Variants in ZNF502 observed in about 807,000 individuals in gnomAD.
The protein encoded by ZNF502 is zinc finger protein 502.
ZNF502 carries 29 observed loss-of-function variants against 43.6 expected under a neutral mutation model. The ratio of observed to expected loss-of-function variants is 0.67; its 90% confidence interval spans 0.50 to 0.91. The LOEUF (loss-of-function observed/expected upper bound fraction) is 0.91. Among genes scored for constraint, ZNF502 ranks in the 40% least tolerant of loss-of-function variants. The pLI, the probability that ZNF502 is intolerant of heterozygous loss-of-function variation, is 0.00. For missense variants in ZNF502, 591 were observed against 647.2 expected (o/e 0.91, Z 0.94); for synonymous variants, 171 against 207.4 (o/e 0.82, Z 1.51).
chr3:44,717,081 CT>C (rs1282645976), intron 1 of ZNF502, among the ~76,000 whole-genome samples: 1 of 152,110 alleles, frequency 6.6e-6, no homozygotes, highest in Non-Finnish European at 1.5e-5. Context: ...TTGCATCATG[CT>C]TGAAAGTGCT....
chr3:44,722,061 C>T lies in ZNF502; in HGVS notation c.1244C>T (p.Ala415Val). Residue 415 changes from alanine to valine, a missense_variant, in exon 3 of 3, where the codon GCC becomes GTC. By Grantham distance (64) the Ala-to-Val change is moderately conservative. Transcript: ENST00000436624. ...TACAAATGCAGTGAATGTGGTAAAG[C>T]CTTCATTCAGAGCATTTGCCTTATT... Reference protein sequence around the residue: ...RPYKCSECGKAFIQSICLIRH... With the variant: ...RPYKCSECGKVFIQSICLIRH... 6.2e-7 allele frequency: 1 copy of T among 1,614,166 alleles called. No individual in the cohort carries two copies. The highest frequency in any genetic ancestry group is 8.5e-7 in the Non-Finnish European group (1 of 1,180,024).
In ZNF502 at chr3:44,721,765, T is replaced by G; in HGVS notation, c.948T>G (p.Ile316Met). The change falls in exon 3 of 3, where the codon ATT (isoleucine) becomes ATG (methionine). Residue 316 changes from isoleucine (I) to methionine (M), a missense_variant. Physicochemically the swap from Ile to Met is conservative, Grantham distance 10. Transcript: ENST00000436624. Reference sequence around the variant, plus strand: ...CAAATCTTACGCAACATCAGAGAATTCACACTGGGGAAAAACCCCATAAAT... The same window carrying G: ...CAAATCTTACGCAACATCAGAGAATGCACACTGGGGAAAAACCCCATAAAT... ...KHSNLTQHQR[I>M]HTGEKPHKCD... The G allele has an allele frequency of 6.2e-7, 1 of 1,613,652 alleles. No homozygotes were observed. Among genetic ancestry groups the G allele is most frequent in the Non-Finnish European group, 8.5e-7 (1 of 1,179,760 alleles).
rs545864492 is a variant in ZNF502 at position 44,716,188 on chromosome 3, C to CT, written c.-60+3464dup. On this transcript the variant is annotated intron_variant, in intron 1 of 2. Transcript: ENST00000436624. ...GAATTACTAGGTCAAAGAATATAGT[C>CT]TTTTTTTTTTTTTTTTGAGACGGAG... is the stretch of plus-strand genomic sequence containing the variant. 6.4e-3 allele frequency among the ~76,000 whole-genome samples: 889 copies of CT among 138,656 alleles called. 7 individuals are homozygous for CT. Among genetic ancestry groups the CT allele is most frequent in the African/African-American group, 0.016 (598 of 37,892 alleles). The allele number at this position is 138,656 out of a possible 152,430, so 91.0% of individuals were successfully genotyped here.
chr3:44,715,389 T>C (rs934822040), intron 1 of ZNF502, among the ~76,000 whole-genome samples: 1 of 152,228 alleles, frequency 6.6e-6, no homozygotes. Flanking sequence ...ATTGTAGTAA[T>C]AGTGTGATCT....
chr3:44,722,131 T>G lies in ZNF502; in HGVS notation c.1314T>G (p.Asn438Lys), dbSNP rs1288587448. 6.2e-7 allele frequency: 1 copy of G among 1,614,024 alleles called. No homozygotes were observed. Among genetic ancestry groups the G allele is most frequent in the Non-Finnish European group, 8.5e-7 (1 of 1,180,012 alleles). Residue 438 changes from asparagine to lysine, a missense_variant, in exon 3 of 3, where the codon AAT (asparagine) becomes AAG (lysine). Coordinates refer to ENST00000436624, the MANE Select transcript of ZNF502 (RefSeq NM_001134442.3). ...CTGGAGAAAAACCCTATAAATGCAATGAATGTGGAAAGGGCTTTAATCAGA... is the reference window on the plus strand; with the variant it reads ...CTGGAGAAAAACCCTATAAATGCAAGGAATGTGGAAAGGGCTTTAATCAGA... Reference protein sequence around the residue: ...SHTGEKPYKCNECGKGFNQNT... With the variant: ...SHTGEKPYKCKECGKGFNQNT...
intron 1 of ZNF502, among the ~76,000 whole-genome samples, chr3:44,719,471 G>A (rs978230077): frequency 2.0e-5 from 3 of 152,120 alleles, no homozygotes; most frequent in Non-Finnish European, 2.9e-5. Flanking sequence ...TCACTTCAAG[G>A]TTAAATGGAG....
chr3:44,722,282 A>C lies in ZNF502; in HGVS notation c.1465A>C (p.Lys489Gln). The change falls in exon 3 of 3, where the codon AAG becomes CAG. Residue 489 changes from lysine (K) to glutamine (Q), a missense_variant. Lys to Gln is a moderately conservative substitution (Grantham distance 53, BLOSUM62 1). Coordinates refer to ENST00000436624, the MANE Select transcript of ZNF502 (RefSeq NM_001134442.3). Reference sequence around the variant, plus strand: ...ACATCATAGAACTCACACTGGTGAGAAGCTCTATAAATGTAGTGAGTGTGA... The same window carrying C: ...ACATCATAGAACTCACACTGGTGAGCAGCTCTATAAATGTAGTGAGTGTGA... ...TEHHRTHTGE[K>Q]LYKCSECEKT... is the part of the protein sequence containing the mutation. 1 of 1,614,228 alleles carries C rather than the reference A, an allele frequency of 6.2e-7. No individual in the cohort carries two copies. Among genetic ancestry groups the C allele is most frequent in the Non-Finnish European group, 8.5e-7 (1 of 1,180,026 alleles).
Position 44,721,343 on chromosome 3 carries a change from A to G in ZNF502, c.526A>G (p.Thr176Ala). ...CTCATCCCTTACCCAACATCAGAGA[A>G]CTCATACTGGAGAGAGACCCTACAC... Reference protein sequence around the residue: ...QSSSLTQHQRTHTGERPYTCE... With the variant: ...QSSSLTQHQRAHTGERPYTCE... The change falls in exon 3 of 3, where the codon ACT becomes GCT. Residue 176 changes from threonine (T) to alanine (A), a missense_variant. Coordinates refer to ENST00000436624, the MANE Select transcript of ZNF502 (RefSeq NM_001134442.3). 3.1e-6 allele frequency: 5 copies of G among 1,614,144 alleles called. No homozygotes were observed. Among genetic ancestry groups the G allele is most frequent in the Non-Finnish European group, 4.2e-6 (5 of 1,179,992 alleles).
Position 44,712,693 on chromosome 3 carries a change from C to T in ZNF502, c.-107C>T, listed in dbSNP as rs139755879. On this transcript the variant is annotated 5_prime_UTR_variant, in exon 1 of 3. Coordinates refer to ENST00000436624, the MANE Select transcript of ZNF502 (RefSeq NM_001134442.3). The stretch of plus-strand genomic sequence containing the variant: ...AGGCTGGTGTCCTGGCCCCAGTCCA[C>T]CTCTGGGAGCGCCTGCGCCGCTCCG... The T allele has an allele frequency of 6.6e-6, 1 of 152,330 alleles. No homozygotes were observed. Among genetic ancestry groups the T allele is most frequent in the Non-Finnish European group, 1.5e-5 (1 of 68,112 alleles). 9.4% of individuals were successfully genotyped at this position (152,330 alleles called of 1,614,324 possible). A position where few individuals can be genotyped will look rare whatever the true frequency, so the allele number is the denominator to read the frequency against.
intron 1 of ZNF502, among the ~76,000 whole-genome samples, chr3:44,717,405 C>CTTTTTTT (rs34497930): frequency 3.9e-5 from 3 of 76,046 alleles, no homozygotes; most frequent in Non-Finnish European, 4.7e-5. Flanking sequence ...GTGATGCAAT[C>CTTTTTTT]TTTTTTTTTT....
At chr3:44,715,599 A>T (rs1026880219) in intron 1 of ZNF502, among the ~76,000 whole-genome samples, 7 of 151,834 alleles carry the variant, frequency 4.6e-5, no homozygotes, top group African/African-American at 1.2e-4. Context: ...TTTTTTTTTT[A>T]AAGTGGAGCA....
In ZNF502 at chr3:44,721,824, C is replaced by T; in HGVS notation, c.1007C>T (p.Ala336Val). The T allele has an allele frequency of 1.9e-6, 3 of 1,614,156 alleles. No individual in the cohort carries two copies. The highest frequency in any genetic ancestry group is 2.5e-6 in the Non-Finnish European group (3 of 1,180,028). The change falls in exon 3 of 3, where the codon GCA becomes GTA. Residue 336 changes from alanine (A) to valine (V), a missense_variant. By Grantham distance (64) the Ala-to-Val change is moderately conservative. Coordinates refer to ENST00000436624, the MANE Select transcript of ZNF502 (RefSeq NM_001134442.3). Reference sequence around the variant, plus strand: ...TGTGGGAAAACTTTCCAAACAAAGGCAAACCTCTCTCAGCATCAGAGAATT... The same window carrying T: ...TGTGGGAAAACTTTCCAAACAAAGGTAAACCTCTCTCAGCATCAGAGAATT... The part of the protein sequence containing the change: ...DECGKTFQTK[A>V]NLSQHQRIHS...
intron 1 of ZNF502, among the ~76,000 whole-genome samples, chr3:44,715,613 TA>T (rs1352650035): frequency 1.3e-5 from 2 of 152,234 alleles, no homozygotes; most frequent in East Asian, 3.9e-4. Context: ...TGGAGCAAAA[TA>T]TAGATAATAG....
intron 1 of ZNF502, among the ~76,000 whole-genome samples, chr3:44,715,887 CAT>C (rs1704130746): frequency 3.3e-5 from 5 of 152,058 alleles, no homozygotes; most frequent in Admixed American, 2.0e-4. Flanking sequence ...ATATATTTTA[CAT>C]TATATTACTA....
chr3:44,716,379 G>T (rs192655608), intron 1 of ZNF502, among the ~76,000 whole-genome samples: 3 of 151,692 alleles, frequency 2.0e-5, no homozygotes, highest in African/African-American at 7.3e-5. Flanking sequence ...TAGTAGAGAC[G>T]TGGTTTCACC....
intron 1 of ZNF502, among the ~76,000 whole-genome samples, chr3:44,716,224 G>A (rs1030775289): frequency 1.5e-5 from 2 of 137,546 alleles, no homozygotes; most frequent in Non-Finnish European, 3.1e-5. Flanking sequence ...TTTCGCTCTT[G>A]TCGCCCAAGC....
rs1425282679 is a variant in ZNF502, at chr3:44,721,430, C to A, written c.613C>A (p.His205Asn). 8 of 1,614,058 alleles carry A rather than the reference C, an allele frequency of 5.0e-6. No homozygotes were observed. In the Admixed American group the frequency reaches 6.7e-5, roughly 13 times the overall value. The change falls in exon 3 of 3, where the codon CAC becomes AAC. Residue 205 changes from histidine to asparagine, a missense_variant. His to Asn is a moderately conservative substitution (Grantham distance 68). Coordinates refer to ENST00000436624, the MANE Select transcript of ZNF502 (RefSeq NM_001134442.3). ...SSFLVQHQRIHTGVKPYGCEQ... is the reference protein window; with the variant it reads ...SSFLVQHQRINTGVKPYGCEQ... ...ATTCCTTGTTCAACATCAAAGAATT[C>A]ACACTGGAGTGAAACCATATGGATG...
chr3:44,719,014 C>T (rs1704227951), intron 1 of ZNF502, among the ~76,000 whole-genome samples: 1 of 151,194 alleles, frequency 6.6e-6, no homozygotes, highest in Non-Finnish European at 1.5e-5. Flanking sequence ...TGCTCTGTCG[C>T]CCAGGCTGGA....
In ZNF502 at chr3:44,722,092, C is replaced by T. The variant is rs1704368650; in HGVS notation, c.1275C>T (p.His425=). The change falls in exon 3 of 3, where the codon CAC becomes CAT. Residue 425 remains histidine, a synonymous_variant. Transcript: ENST00000436624. ...AFIQSICLIR[H]QRSHTGEKPY... is the part of the protein sequence containing the mutation. ...TTCAGAGCATTTGCCTTATTCGGCA[C>T]CAGAGAAGTCACACTGGAGAAAAAC... The T allele has an allele frequency of 6.2e-7, 1 of 1,614,002 alleles. No homozygotes were observed. Among genetic ancestry groups the T allele is most frequent in the Non-Finnish European group, 8.5e-7 (1 of 1,180,012 alleles).
Sources: allele counts gnomAD v4.1 joint callset (sites outside exome capture counted in the v4.1 genomes callset), GRCh38; gene constraint gnomAD v4.1.1; transcripts MANE v1.5; gene names NCBI Gene and HGNC (gene_info 2026-07-23, HGNC 2026-07-21).